The following PTPRZ1 variants were observed in gnomAD, a reference collection of about 807,000 sequenced individuals.
PTPRZ1 encodes the protein receptor-type tyrosine-protein phosphatase zeta.
Under a neutral mutation model 214.1 loss-of-function variants are expected in PTPRZ1, and 82 were observed. That is an observed-to-expected ratio of 0.38 (90% CI 0.32 to 0.46). PTPRZ1 has a LOEUF of 0.46. Ranked by LOEUF, PTPRZ1 falls within the 20% of genes least tolerant of loss-of-function variation. The pLI is 1.00. For missense variants in PTPRZ1, 2,603 were observed against 2,748.7 expected (o/e 0.95, Z 1.19); for synonymous variants, 945 against 987.9 (o/e 0.96, Z 0.81).
chr7:122,010,651 A>C lies in PTPRZ1; in HGVS notation c.1605A>C (p.Ser535=). 6.2e-7 allele frequency: 1 copy of C among 1,613,676 alleles called. No individual in the cohort carries two copies. The highest frequency in any genetic ancestry group is 1.1e-5 in the South Asian group (1 of 91,070). The change falls in exon 12 of 30, where the codon TCA becomes TCC. Residue 535 remains serine, a synonymous_variant. Coordinates refer to ENST00000393386, the MANE Select transcript of PTPRZ1 (RefSeq NM_002851.3). ...ELPPHTVEGT[S]ASLNDGSKTV... ...CACCTCACACTGTGGAAGGTACTTC[A>C]GCCTCTTTAAATGATGGCTCTAAAA... is the stretch of plus-strand genomic sequence containing the variant.
chr7:122,025,320 C>CT (rs962120901), intron 13 of PTPRZ1, among the ~76,000 whole-genome samples: 4 of 144,662 alleles, frequency 2.8e-5, no homozygotes, highest in Admixed American at 6.9e-5. Context: ...ACAGTCTTTT[C>CT]TTTTTTTTTC....
In PTPRZ1 at chr7:122,059,995, A is replaced by G. The variant is rs1792518989; in HGVS notation, c.6807+107A>G. ...AAGAAAGATCTTATTAACTGATAAC[A>G]TTAGTATGTAGTTTTCAAGCTGAAT... On this transcript the variant is annotated intron_variant, in intron 29 of 29. Coordinates refer to ENST00000393386, the MANE Select transcript of PTPRZ1 (RefSeq NM_002851.3). 8.1e-6 allele frequency: 9 copies of G among 1,106,712 alleles called. No individual in the cohort carries two copies. In the South Asian group the frequency reaches 1.4e-4, roughly 17 times the overall value. 68.6% of individuals were successfully genotyped at this position (1,106,712 alleles called of 1,614,324 possible).
At chr7:121,999,888 A>G (rs984387355) in intron 10 of PTPRZ1, among the ~76,000 whole-genome samples, 1 of 152,116 alleles carries the variant, frequency 6.6e-6, no homozygotes, top group Non-Finnish European at 1.5e-5. Flanking sequence ...CTAAATAATA[A>G]ATATTATTAA....
chr7:122,044,045 C>T (rs996117594), intron 22 of PTPRZ1, among the ~76,000 whole-genome samples: 3 of 152,104 alleles, frequency 2.0e-5, no homozygotes. Flanking sequence ...GGAGAGTTGG[C>T]GTTGCCAGAA....
At chr7:121,998,492 T>A (rs1260044894) in intron 10 of PTPRZ1, among the ~76,000 whole-genome samples, 1 of 152,146 alleles carries the variant, frequency 6.6e-6, no homozygotes, top group Non-Finnish European at 1.5e-5. Flanking sequence ...ATAATTTGGT[T>A]ATGGGGAGTG....
chr7:121,924,970 C>G (rs563458155), intron 1 of PTPRZ1, among the ~76,000 whole-genome samples: 2 of 152,220 alleles, frequency 1.3e-5, no homozygotes, highest in Non-Finnish European at 2.9e-5. Flanking sequence ...TATTTTGTGT[C>G]TCTTGAAGGC....
At chr7:121,894,950 A>G (rs1055366451) in intron 1 of PTPRZ1, among the ~76,000 whole-genome samples, 4 of 152,230 alleles carry the variant, frequency 2.6e-5, no homozygotes, top group East Asian at 1.9e-4. Flanking sequence ...GCTAAATGTC[A>G]TCATAGTTAG....
At chr7:121,882,845 A>C (rs1339149015) in intron 1 of PTPRZ1, among the ~76,000 whole-genome samples, 2 of 152,192 alleles carry the variant, frequency 1.3e-5, no homozygotes, top group African/African-American at 4.8e-5. Context: ...AATGTTTAAC[A>C]AGCACTTTCA....
At chr7:121,922,548 C>T (rs1795632108) in intron 1 of PTPRZ1, among the ~76,000 whole-genome samples, 1 of 152,068 alleles carries the variant, frequency 6.6e-6, no homozygotes, top group African/African-American at 2.4e-5. Flanking sequence ...GCATTCCAGC[C>T]TGGGTGACAG....
intron 12 of PTPRZ1, 129 bp from the exon 13 acceptor site, chr7:122,018,995 T>C: frequency 1.2e-6 from 1 of 838,206 alleles, no homozygotes; most frequent in Non-Finnish European, 1.8e-6. Flanking sequence ...TTGTAGACAT[T>C]CTTTGCATCA....
At chr7:122,025,490 C>T (rs992318739) in intron 13 of PTPRZ1, among the ~76,000 whole-genome samples, 4 of 151,918 alleles carry the variant, frequency 2.6e-5, no homozygotes, top group East Asian at 1.9e-4. Context: ...CCACCATGCC[C>T]GGCTAATTTT....
intron 1 of PTPRZ1, among the ~76,000 whole-genome samples, chr7:121,898,917 G>A (rs1033853178): frequency 2.0e-5 from 3 of 152,182 alleles, no homozygotes; most frequent in African/African-American, 7.2e-5. Flanking sequence ...GGCAGTGCAT[G>A]AGGAATTGAT....
At chr7:121,966,863 T>C (rs1044976443) in intron 2 of PTPRZ1, 1 of 152,152 alleles carries the variant, frequency 6.6e-6, no homozygotes, top group African/African-American at 2.4e-5. Flanking sequence ...AATTTACTTA[T>C]AATCCCCTAA....
rs758820771 is a variant in PTPRZ1 at position 121,972,712 on chromosome 7, G to A, written c.456+20G>A. 2.0e-5 allele frequency: 30 copies of A among 1,528,562 alleles called. No individual in the cohort carries two copies. Among genetic ancestry groups the A allele is most frequent in the Non-Finnish European group, 2.3e-5 (26 of 1,134,608 alleles). 94.7% of individuals were successfully genotyped at this position (1,528,562 alleles called of 1,614,324 possible). A position where few individuals can be genotyped will look rare whatever the true frequency, so the allele number is the denominator to read the frequency against. ...CTTGAGGTAAGTCAGGAGATCTGCT[G>A]TGTACTATTTTATTTTCTAAATAAT... On this transcript the variant is annotated intron_variant, in intron 4 of 29. Coordinates refer to ENST00000393386, the MANE Select transcript of PTPRZ1 (RefSeq NM_002851.3).
chr7:122,025,124 G>T (rs1213802479), intron 13 of PTPRZ1, among the ~76,000 whole-genome samples: 2 of 151,938 alleles, frequency 1.3e-5, no homozygotes. Flanking sequence ...TAAGAGTTGG[G>T]TTTACATAAA....
At chr7:121,924,622 C>G (rs1400207627) in intron 1 of PTPRZ1, among the ~76,000 whole-genome samples, 4 of 152,142 alleles carry the variant, frequency 2.6e-5, no homozygotes, top group African/African-American at 9.7e-5. Context: ...AGCTAAAATT[C>G]TGCTGATGTT....
intron 2 of PTPRZ1, among the ~76,000 whole-genome samples, chr7:121,938,705 C>T (rs557053454): frequency 4.0e-5 from 6 of 151,162 alleles, no homozygotes; most frequent in African/African-American, 7.3e-5. Context: ...GTATTTACAA[C>T]GATCTCTTTT....
intron 1 of PTPRZ1, among the ~76,000 whole-genome samples, chr7:121,879,153 C>T (rs1215627184): frequency 2.0e-5 from 3 of 152,206 alleles, no homozygotes; most frequent in Non-Finnish European, 2.9e-5. Context: ...ACTATCTGTG[C>T]ATGGAAAATA....
At chr7:122,057,721 T>G (rs1449741080) in intron 27 of PTPRZ1, among the ~76,000 whole-genome samples, 1 of 151,144 alleles carries the variant, frequency 6.6e-6, no homozygotes, top group Non-Finnish European at 1.5e-5. Flanking sequence ...TTGATCTTTT[T>G]ATTCCTGGCC....
Sources: gnomAD v4.1 joint callset for allele counts (sites outside exome capture counted in the v4.1 genomes callset) on GRCh38, gnomAD v4.1.1 for gene constraint, MANE v1.5 for transcripts, NCBI Gene and HGNC (gene_info 2026-07-23, HGNC 2026-07-21) for gene names.